Variants in KCNQ1 observed in about 807,000 individuals in gnomAD.
The protein encoded by KCNQ1 is potassium voltage-gated channel subfamily KQT member 1.
In KCNQ1, 49 loss-of-function variants were observed where a neutral mutation model predicts 72.4. The observed-to-expected ratio is 0.68, with a 90% CI of 0.54 to 0.86. The LOEUF is 0.86. Among genes scored for constraint, KCNQ1 ranks in the 40% least tolerant of loss-of-function variants. The pLI is 0.00. For missense variants in KCNQ1, 790 were observed against 945.1 expected, an observed-to-expected ratio of 0.84 and a Z score of 2.15; for synonymous variants, 450 against 412.6, an observed-to-expected ratio of 1.09 and a Z score of -1.10.
intron 1 of KCNQ1, among the ~76,000 whole-genome samples, chr11:2,490,831 G>C (rs1846824966): frequency 6.6e-6 from 1 of 152,174 alleles, no homozygotes; most frequent in Non-Finnish European, 1.5e-5. Flanking sequence ...TAGGATTATA[G>C]GCATGTGCCA....
intron 15 of KCNQ1, among the ~76,000 whole-genome samples, chr11:2,791,960 G>A (rs989298620): frequency 2.0e-5 from 3 of 152,240 alleles, no homozygotes; most frequent in African/African-American, 7.2e-5. Context: ...TCGTTGCCCG[G>A]GTTCCGAGTG....
rs1268747329 is a variant in KCNQ1, at chr11:2,446,559, G to C, written c.386+1075G>C. Among the ~76,000 whole-genome samples, 1 of 152,208 alleles carries C rather than the reference G, an allele frequency of 6.6e-6. No homozygotes were observed. Among genetic ancestry groups the C allele is most frequent in the African/African-American group, 2.4e-5 (1 of 41,466 alleles). ...CTGGCAGCTGCCACCAGGGCCTCAG[G>C]GCGGGTGACAGCAGGAGCCAGGCCC... On this transcript the variant is annotated intron_variant, in intron 1 of 15. Transcript: ENST00000155840. This position sits in a 1 kb window ranked among gnomAD's most constrained non-coding sequence, Gnocchi z 8.8.
In KCNQ1 at chr11:2,495,470, A is replaced by AT. The variant is rs746978527; in HGVS notation, c.387-32455dup. Among the ~76,000 whole-genome samples, 1 of 152,188 alleles carries AT rather than the reference A, an allele frequency of 6.6e-6. No individual in the cohort carries two copies. The highest frequency in any genetic ancestry group is 2.4e-5 in the African/African-American group (1 of 41,452). On this transcript the variant is annotated intron_variant, in intron 1 of 15. Transcript: ENST00000155840. The surrounding 1 kb of genome is among the most constrained non-coding windows in gnomAD (Gnocchi z 4.6). ...ATCTCTCTAGCTTTCTGATATGGGC[A>AT]TTTAGTGCTATAAATTTGCCTCTAA... is the stretch of plus-strand genomic sequence containing the variant.
intron 2 of KCNQ1, among the ~76,000 whole-genome samples, chr11:2,561,460 G>GC (rs1029776295): frequency 2.4e-4 from 37 of 152,300 alleles, no homozygotes; most frequent in Middle Eastern, 3.4e-3. Context: ...CCACCTTCCT[G>GC]CTACACTATT....
At chr11:2,501,332 C>CA (rs56196114) in intron 1 of KCNQ1, among the ~76,000 whole-genome samples, 2 of 150,912 alleles carry the variant, frequency 1.3e-5, no homozygotes, top group Admixed American at 1.3e-4. Context: ...AAGTCAGAGA[C>CA]AAAAAAAGGA....
At chr11:2,542,298 C>CT (rs1235130461) in intron 2 of KCNQ1, among the ~76,000 whole-genome samples, 2 of 152,250 alleles carry the variant, frequency 1.3e-5, no homozygotes, top group Non-Finnish European at 2.9e-5. Context: ...ACGATGCCTC[C>CT]TCCCCTGGCG....
At chr11:2,582,404 C>T (rs1848513998) in intron 6 of KCNQ1, among the ~76,000 whole-genome samples, 1 of 152,224 alleles carries the variant, frequency 6.6e-6, no homozygotes, top group African/African-American at 2.4e-5. Context: ...AAACAGGCCT[C>T]AGGCCTTCCT....
In KCNQ1 at chr11:2,462,288, C is replaced by T. The variant is rs535266919; in HGVS notation, c.386+16804C>T. Among the ~76,000 whole-genome samples, 41 of 152,250 alleles carry T rather than the reference C, an allele frequency of 2.7e-4. No homozygotes were observed. Among genetic ancestry groups the T allele is most frequent in the African/African-American group, 7.5e-4 (31 of 41,536 alleles). ...CTCTGGACTTGAGTGTGGCTGTGGA[C>T]GAGGGCAGCGTCGCCATCAGAGGCG... On this transcript the variant is annotated intron_variant, in intron 1 of 15. Coordinates refer to ENST00000155840, the MANE Select transcript of KCNQ1 (RefSeq NM_000218.3). The surrounding 1 kb of genome is among the most constrained non-coding windows in gnomAD (Gnocchi z 8.2).
intron 11 of KCNQ1, among the ~76,000 whole-genome samples, chr11:2,754,963 C>T (rs1846277518): frequency 6.6e-6 from 1 of 152,150 alleles, no homozygotes; most frequent in Non-Finnish European, 1.5e-5. Context: ...CAGGTGACCC[C>T]CAACACACAT....
intron 15 of KCNQ1, among the ~76,000 whole-genome samples, chr11:2,791,993 T>C (rs1326562937): frequency 2.6e-5 from 4 of 152,212 alleles, no homozygotes; most frequent in Non-Finnish European, 5.9e-5. Context: ...ATGGAAATTT[T>C]TGTGGATTAA....
In KCNQ1 at chr11:2,611,302, C is replaced by T; in HGVS notation, c.1393+22448C>T. 1 of 397,500 alleles carries T rather than the reference C, an allele frequency of 2.5e-6. No individual in the cohort carries two copies. Among genetic ancestry groups the T allele is most frequent in the South Asian group, 1.4e-4 (1 of 7,034 alleles). 24.6% of individuals were successfully genotyped at this position (397,500 alleles called of 1,614,324 possible). ...TGGCGTGACCTTGGCTCACTGCAAC[C>T]TCTGCCTCCCGGATTCAAGCCGTTC... On this transcript the variant is annotated intron_variant, in intron 10 of 15. Coordinates refer to ENST00000155840, the MANE Select transcript of KCNQ1 (RefSeq NM_000218.3). This position sits in a 1 kb window ranked among gnomAD's most constrained non-coding sequence, Gnocchi z 5.3.
chr11:2,837,392 G>T (rs929391200), intron 15 of KCNQ1, among the ~76,000 whole-genome samples: 1 of 152,096 alleles, frequency 6.6e-6, no homozygotes, highest in Non-Finnish European at 1.5e-5. Context: ...AGCCCGCTCC[G>T]CGCTCACAGC....
chr11:2,456,731 C>CTA (rs1374963528), intron 1 of KCNQ1, among the ~76,000 whole-genome samples: 1 of 134,914 alleles, frequency 7.4e-6, no homozygotes, highest in East Asian at 2.2e-4. Flanking sequence ...ACCATCCTGG[C>CTA]TAACATGGTG....
At chr11:2,786,908 T>C (rs1344247804) in intron 15 of KCNQ1, among the ~76,000 whole-genome samples, 1 of 151,978 alleles carries the variant, frequency 6.6e-6, no homozygotes, top group Non-Finnish European at 1.5e-5. Context: ...TTTGATTTTT[T>C]CTTCTGCTGA....
At chr11:2,581,751 G>A (rs576478550) in intron 6 of KCNQ1, among the ~76,000 whole-genome samples, 8 of 152,380 alleles carry the variant, frequency 5.3e-5, no homozygotes, top group African/African-American at 9.6e-5. Flanking sequence ...ACACGTGCAC[G>A]TGTGGAGCAT....
chr11:2,756,346 C>T (rs1294791951), intron 11 of KCNQ1, among the ~76,000 whole-genome samples: 1 of 150,762 alleles, frequency 6.6e-6, no homozygotes, highest in African/African-American at 2.4e-5. Context: ...TTAAAGCAAA[C>T]AAGCCAGAGT....
chr11:2,490,872 TG>T (rs1846826092), intron 1 of KCNQ1, among the ~76,000 whole-genome samples: 4 of 152,122 alleles, frequency 2.6e-5, no homozygotes, highest in Non-Finnish European at 1.5e-5. Context: ...TTTGTTTGTT[TG>T]TTTGTTTGTT....
At chr11:2,796,395 A>G (rs1847131632) in intron 15 of KCNQ1, among the ~76,000 whole-genome samples, 1 of 152,210 alleles carries the variant, frequency 6.6e-6, no homozygotes, top group Non-Finnish European at 1.5e-5. Flanking sequence ...CATTGATGGC[A>G]GGGTGGCAGG....
Position 2,493,232 on chromosome 11 carries a change from T to A in KCNQ1, c.387-34696T>A, listed in dbSNP as rs1474777068. On this transcript the variant is annotated intron_variant, in intron 1 of 15. Transcript: ENST00000155840. This position sits in a 1 kb window ranked among gnomAD's most constrained non-coding sequence, Gnocchi z 5.3. ...TTTTTTTCTTGTAAATTTAAGTTCCTTGTAGATTTTGGATATTAGACCTTG... is the reference window on the plus strand; with the variant it reads ...TTTTTTTCTTGTAAATTTAAGTTCCATGTAGATTTTGGATATTAGACCTTG... Among the ~76,000 whole-genome samples, 1 of 152,224 alleles carries A rather than the reference T, an allele frequency of 6.6e-6. No individual in the cohort carries two copies. The highest frequency in any genetic ancestry group is 1.5e-5 in the Non-Finnish European group (1 of 68,036).
Sources: gnomAD v4.1 joint callset for allele counts (sites outside exome capture counted in the v4.1 genomes callset) on GRCh38, gnomAD v4.1.1 for gene constraint, Gnocchi (gnomAD v3.1) non-coding constraint, MANE v1.5 for transcripts, NCBI Gene and HGNC (gene_info 2026-07-23, HGNC 2026-07-21) for gene names.